The following PHLPP1 variants were observed in gnomAD, a reference collection of about 807,000 sequenced individuals.
PHLPP1 encodes the protein PH domain and leucine rich repeat protein phosphatase 1.
A neutral mutation model predicts 117.2 loss-of-function variants in PHLPP1; 42 were observed. The ratio of observed to expected loss-of-function variants is 0.36; its 90% CI spans 0.28 to 0.46. PHLPP1 has a LOEUF of 0.46. Ranked by LOEUF, PHLPP1 falls within the 20% of genes least tolerant of loss-of-function variation. PHLPP1 has a pLI of 1.00. For synonymous variants in PHLPP1, 1,042 were observed against 970.7 expected (o/e 1.07, Z -1.37); for missense variants, 2,084 against 2,241.9 (o/e 0.93, Z 1.42).
At position 62,916,747 on chromosome 18, in the gene PHLPP1, C is replaced by CTTTTTTTTTTTTTT. The variant is rs10538704; in HGVS notation, c.2804+1750_2804+1763dup. 7.3e-4 allele frequency among the ~76,000 whole-genome samples: 52 copies of CTTTTTTTTTTTTTT among 71,090 alleles called. 1 individual carries two copies. Among genetic ancestry groups the CTTTTTTTTTTTTTT allele is most frequent in the African/African-American group, 1.7e-3 (29 of 16,784 alleles). 46.6% of individuals were successfully genotyped at this position (71,090 alleles called of 152,430 possible). On this transcript the variant is annotated intron_variant, in intron 9 of 16. Transcript: ENST00000262719. ...TTCTTCTATTTTCTTTCCTTCTATT[C>CTTTTTTTTTTTTTT]TTTTTTTTTTTTTTTTTTTTTTTTG...
chr18:62,761,539 A>G (rs1191968789), intron 1 of PHLPP1, among the ~76,000 whole-genome samples: 1 of 152,118 alleles, frequency 6.6e-6, no homozygotes, highest in East Asian at 1.9e-4. Flanking sequence ...AGGCTGAGGC[A>G]TGAGAATGGC....
chr18:62,930,129 A>G (rs1282428106), intron 10 of PHLPP1, among the ~76,000 whole-genome samples: 1 of 152,246 alleles, frequency 6.6e-6, no homozygotes, highest in Non-Finnish European at 1.5e-5. Flanking sequence ...AGGTCATTTA[A>G]TAAGACATAA....
At chr18:62,834,004 G>A (rs1432424533) in intron 2 of PHLPP1, among the ~76,000 whole-genome samples, 3 of 152,112 alleles carry the variant, frequency 2.0e-5, no homozygotes, top group Non-Finnish European at 2.9e-5. Flanking sequence ...GTTAATATAA[G>A]CATAAGTAAT....
intron 9 of PHLPP1, among the ~76,000 whole-genome samples, chr18:62,917,394 CTTTGTGTG>C (rs1909321263): frequency 1.7e-5 from 1 of 58,256 alleles, no homozygotes; most frequent in Non-Finnish European, 4.1e-5. Context: ...AAACAGTATT[CTTTGTGTG>C]TGTGTGTGTG....
rs750053231 is a variant in PHLPP1 at position 62,915,004 on chromosome 18, G to T, written c.2800G>T (p.Ala934Ser). Residue 934 changes from alanine to serine, a missense_variant, in exon 9 of 17, where the codon GCC becomes TCC. Around this residue, in one of 2 missense-constraint regions of PHLPP1, gnomAD observed 1,365 missense variants for 1,605.9 expected, o/e 0.85. Coordinates refer to ENST00000262719, the MANE Select transcript of PHLPP1 (RefSeq NM_194449.4). ...IGHNQICELP[A>S]RLFCNSSLRK... The stretch of plus-strand genomic sequence containing the variant: ...CCATAATCAAATATGTGAACTTCCT[G>T]CCCGGTGAGTATTACAGATCAAATG... 3.7e-6 allele frequency: 6 copies of T among 1,609,268 alleles called. No individual in the cohort carries two copies. Among genetic ancestry groups the T allele is most frequent in the Non-Finnish European group, 4.3e-6 (5 of 1,176,132 alleles).
chr18:62,950,642 G>T (rs1015798997), intron 12 of PHLPP1, among the ~76,000 whole-genome samples: 15 of 152,230 alleles, frequency 9.9e-5, no homozygotes, highest in African/African-American at 3.6e-4. Flanking sequence ...TTAGGCTTTA[G>T]TTGGGTGGCG....
Position 62,715,845 on chromosome 18 carries a change from G to C in PHLPP1, c.162G>C (p.Ala54=). Residue 54 remains alanine (A), a synonymous_variant, in exon 1 of 17, where the codon GCG becomes GCC. Transcript: ENST00000262719. Reference sequence around the variant, plus strand: ...GGGGCGGCCGGAGTCCGGAGCCCGCGCTGACCCCGGCGGCCCCGAGCGGCG... The same window carrying C: ...GGGGCGGCCGGAGTCCGGAGCCCGCCCTGACCCCGGCGGCCCCGAGCGGCG... ...AAGGGRSPEP[A]LTPAAPSGGN... is the part of the protein sequence containing the mutation. 2.6e-6 allele frequency: 2 copies of C among 756,320 alleles called. No homozygotes were observed. The highest frequency in any genetic ancestry group is 3.2e-6 in the Non-Finnish European group (2 of 621,824). The allele number at this position is 756,320 out of a possible 1,614,324, so 46.9% of individuals were successfully genotyped here. A position where few individuals can be genotyped will look rare whatever the true frequency, so the allele number is the denominator to read the frequency against.
chr18:62,774,499 T>C (rs892974219), intron 1 of PHLPP1, among the ~76,000 whole-genome samples: 2 of 152,256 alleles, frequency 1.3e-5, no homozygotes, highest in Non-Finnish European at 2.9e-5. Flanking sequence ...GGTTTTGACA[T>C]AGAGGTCATT....
rs182907449 is a variant in PHLPP1, at chr18:62,960,536, G to A, written c.3455+1777G>A. On this transcript the variant is annotated intron_variant, in intron 13 of 16. Coordinates refer to ENST00000262719, the MANE Select transcript of PHLPP1 (RefSeq NM_194449.4). ...AATAAAAGCATTAATATGCTTACTA[G>A]AAAATGTTCTTATATGATAAGAAAA... Among the ~76,000 whole-genome samples, 422 of 152,216 alleles carry A rather than the reference G, an allele frequency of 2.8e-3. 2 individuals carry two copies. The highest frequency in any genetic ancestry group is 9.8e-3 in the African/African-American group (407 of 41,538).
intron 1 of PHLPP1, among the ~76,000 whole-genome samples, chr18:62,797,446 A>C (rs1913657562): frequency 6.6e-6 from 1 of 152,220 alleles, no homozygotes; most frequent in African/African-American, 2.4e-5. Context: ...ATAACACATC[A>C]GTTTTATAAC....
At position 62,716,515 on chromosome 18, in the gene PHLPP1, G is replaced by T; in HGVS notation, c.832G>T (p.Asp278Tyr). 1 of 1,195,202 alleles carries T rather than the reference G, an allele frequency of 8.4e-7. No individual in the cohort carries two copies. The highest frequency in any genetic ancestry group is 4.1e-5 in the South Asian group (1 of 24,356). The allele number at this position is 1,195,202 out of a possible 1,614,324, so 74.0% of individuals were successfully genotyped here. ...GPRLAPPEPR[D>Y]SEVPPARSAP... ...CCGGCTGGCGCCCCCGGAGCCGCGG[G>T]ACTCGGAGGTACCGCCCGCGAGGAG... is the stretch of plus-strand genomic sequence containing the variant. Residue 278 changes from aspartate (D) to tyrosine (Y), a missense_variant, in exon 1 of 17, where the codon GAC becomes TAC. Transcript: ENST00000262719. The surrounding 1 kb of genome is among the most constrained non-coding windows in gnomAD (Gnocchi z 5.7).
chr18:62,933,493 C>A (rs916892181), intron 10 of PHLPP1, among the ~76,000 whole-genome samples: 5 of 151,934 alleles, frequency 3.3e-5, no homozygotes, highest in African/African-American at 1.2e-4. Context: ...TTGACAAAGT[C>A]AACAAAAATA....
At chr18:62,806,774 CAGATAGT>C (rs1341482662) in intron 1 of PHLPP1, among the ~76,000 whole-genome samples, 1 of 152,092 alleles carries the variant, frequency 6.6e-6, no homozygotes, top group Non-Finnish European at 1.5e-5. Flanking sequence ...AACTTTGTCT[CAGATAGT>C]ATGAGATTAT....
intron 4 of PHLPP1, among the ~76,000 whole-genome samples, chr18:62,888,903 T>A (rs1916348198): frequency 6.6e-6 from 1 of 152,218 alleles, no homozygotes; most frequent in East Asian, 1.9e-4. Context: ...CTCTTATCTC[T>A]CATAACTTAA....
chr18:62,808,104 G>T (rs1344844337), intron 1 of PHLPP1, among the ~76,000 whole-genome samples: 1 of 152,214 alleles, frequency 6.6e-6, no homozygotes, highest in East Asian at 1.9e-4. Flanking sequence ...CAGAGGTGGA[G>T]CTTGGATTGG....
chr18:62,876,916 T>C (rs1283309155), intron 4 of PHLPP1, among the ~76,000 whole-genome samples: 1 of 152,150 alleles, frequency 6.6e-6, no homozygotes, highest in Non-Finnish European at 1.5e-5. Flanking sequence ...ATGTGAAATT[T>C]GGTTTAGCTG....
intron 3 of PHLPP1, among the ~76,000 whole-genome samples, chr18:62,849,830 A>T (rs200635361): frequency 0.15 from 3,124 of 20,380 alleles, 500 homozygotes; most frequent in Non-Finnish European, 0.18. Context: ...AAAAAAAAAA[A>T]AAATATATAT....
chr18:62,846,867 T>C (rs991128431), intron 3 of PHLPP1, among the ~76,000 whole-genome samples: 8 of 152,220 alleles, frequency 5.3e-5, no homozygotes, highest in Non-Finnish European at 1.0e-4. Context: ...GATATAATTA[T>C]GCTTCATCTA....
rs190626323 is a variant in PHLPP1 at position 62,745,555 on chromosome 18, G to A, written c.1576+28296G>A. ...GAGAACTCTCATTGAGAGCATGTGG[G>A]TGCCTTCACATAGTGCAGTGGTGAG... is the stretch of plus-strand genomic sequence containing the variant. On this transcript the variant is annotated intron_variant, in intron 1 of 16. Transcript: ENST00000262719. 6.6e-5 allele frequency among the ~76,000 whole-genome samples: 10 copies of A among 152,282 alleles called. No individual in the cohort carries two copies. In the East Asian group the frequency reaches 1.9e-3, roughly 29 times the overall value.
Sources: allele counts gnomAD v4.1 joint callset (sites outside exome capture counted in the v4.1 genomes callset), GRCh38; gene constraint gnomAD v4.1.1; regional missense constraint gnomAD v4.1.1; non-coding constraint Gnocchi (gnomAD v3.1); transcripts MANE v1.5; gene names NCBI Gene and HGNC (gene_info 2026-07-23, HGNC 2026-07-21).